Variants in FSIP2 observed in about 807,000 individuals in gnomAD.
FSIP2 encodes the protein fibrous sheath interacting protein 2.
FSIP2 carries 367 observed loss-of-function variants against 510.5 expected under a neutral mutation model. The ratio of observed to expected loss-of-function variants is 0.72; its 90% CI spans 0.66 to 0.78. The LOEUF is 0.78. FSIP2 is among the 30% of genes least tolerant of loss of function. The pLI, the probability that FSIP2 is intolerant of heterozygous loss-of-function variation, is 0.00. For synonymous variants in FSIP2, 2,601 were observed against 2,732.2 expected, an observed-to-expected ratio of 0.95 and a Z score of 1.50; for missense variants, 7,594 against 7,901.7, an observed-to-expected ratio of 0.96 and a Z score of 1.48.
chr2:185,816,803 C>T (rs758270534), intron 19 of FSIP2, among the ~76,000 whole-genome samples: 4 of 150,682 alleles, frequency 2.7e-5, no homozygotes, highest in Non-Finnish European at 4.4e-5. Flanking sequence ...TTACAGTGAG[C>T]TATGATTTTG....
At chr2:185,739,567 C>A in intron 2 of FSIP2, 96 bp downstream of exon 2, 3 of 1,134,500 alleles carry the variant, frequency 2.6e-6, no homozygotes, top group Non-Finnish European at 3.5e-6. Flanking sequence ...AAGGAATTTG[C>A]ATCAACATTT....
intron 2 of FSIP2, among the ~76,000 whole-genome samples, chr2:185,741,014 A>G (rs1222078836): frequency 6.6e-6 from 1 of 152,224 alleles, no homozygotes; most frequent in Non-Finnish European, 1.5e-5. Context: ...AGAGCAAGTG[A>G]ACTACAAATA....
intron 13 of FSIP2, among the ~76,000 whole-genome samples, chr2:185,780,836 T>C (rs1372630564): frequency 1.3e-5 from 2 of 152,214 alleles, no homozygotes; most frequent in Non-Finnish European, 2.9e-5. Flanking sequence ...TTACATACGC[T>C]GCTGCCAGTT....
chr2:185,826,007 A>T (rs563285717), intron 20 of FSIP2, among the ~76,000 whole-genome samples: 3 of 151,952 alleles, frequency 2.0e-5, no homozygotes, highest in African/African-American at 7.2e-5. Context: ...AAGATACACG[A>T]ATACTTACCA....
chr2:185,739,100 C>T (rs1160044699), intron 1 of FSIP2, 107 bp downstream of exon 1: 3 of 1,359,818 alleles, frequency 2.2e-6, no homozygotes, highest in Non-Finnish European at 1.9e-6. Flanking sequence ...AACTGTCCCC[C>T]GTCAGGAGGC....
chr2:185,753,209 T>G (rs368299277), intron 7 of FSIP2, among the ~76,000 whole-genome samples: 4 of 151,406 alleles, frequency 2.6e-5, no homozygotes, highest in African/African-American at 9.7e-5. Context: ...TAGTTTTTTT[T>G]ACATATGCTA....
At chr2:185,787,616 A>C (rs527632836) in intron 15 of FSIP2, among the ~76,000 whole-genome samples, 2 of 151,906 alleles carry the variant, frequency 1.3e-5, no homozygotes, top group South Asian at 4.1e-4. Flanking sequence ...TATATGTAAG[A>C]TGAGTTTTGT....
In FSIP2 at chr2:185,795,001, C is replaced by T. The variant is rs1330293619; in HGVS notation, c.7865C>T (p.Pro2622Leu). ...NISVMENTLLPYLPLQVKKDL... is the reference protein window; with the variant it reads ...NISVMENTLLLYLPLQVKKDL... ...TCTGTGATGGAAAACACTCTTTTGC[C>T]ATATTTACCATTGCAAGTGAAGAAA... Residue 2622 changes from proline to leucine, a missense_variant, in exon 16 of 23, where the codon CCA becomes CTA. Physicochemically the swap from Pro to Leu is moderately conservative, Grantham distance 98. Transcript: ENST00000424728. 6.5e-7 allele frequency: 1 copy of T among 1,533,540 alleles called. No individual in the cohort carries two copies. Among genetic ancestry groups the T allele is most frequent in the South Asian group, 1.2e-5 (1 of 83,748 alleles). 95.0% of individuals were successfully genotyped at this position (1,533,540 alleles called of 1,614,324 possible).
rs1440466926 is a variant in FSIP2 at position 185,802,038 on chromosome 2, C to A, written c.12732C>A (p.Asp4244Glu). 2.6e-6 allele frequency: 4 copies of A among 1,531,466 alleles called. No individual in the cohort carries two copies. Among genetic ancestry groups the A allele is most frequent in the Non-Finnish European group, 3.5e-6 (4 of 1,144,540 alleles). 94.9% of individuals were successfully genotyped at this position (1,531,466 alleles called of 1,614,324 possible). A position where few individuals can be genotyped will look rare whatever the true frequency, so the allele number is the denominator to read the frequency against. ...SIVSRSPIMIDQIASFIIQEI... is the reference protein window; with the variant it reads ...SIVSRSPIMIEQIASFIIQEI... ...TAAGCCGAAGCCCAATTATGATTGA[C>A]CAAATAGCCAGCTTTATCATCCAAG... The change falls in exon 17 of 23, where the codon GAC (aspartate) becomes GAA (glutamate). Residue 4244 changes from aspartate to glutamate, a missense_variant. By Grantham distance (45) the Asp-to-Glu change is conservative. Transcript: ENST00000424728.
intron 15 of FSIP2, among the ~76,000 whole-genome samples, 175 bp downstream of exon 15, chr2:185,786,463 T>A (rs1003945600): frequency 1.3e-5 from 2 of 151,994 alleles, no homozygotes; most frequent in African/African-American, 4.8e-5. Context: ...CTTATACTTT[T>A]CTGTGGTCCA....
chr2:185,769,760 C>T (rs1487186001), intron 13 of FSIP2, among the ~76,000 whole-genome samples: 1 of 152,148 alleles, frequency 6.6e-6, no homozygotes, highest in Non-Finnish European at 1.5e-5. Flanking sequence ...TAGAGTTTTA[C>T]ATTTCAGTCT....
Position 185,807,328 on chromosome 2 carries a change from T to A in FSIP2, c.18022T>A (p.Leu6008Ile), listed in dbSNP as rs540910747. ...AACTTCATCACCATATACAATAATA[T>A]TACCTCATAAATTTTTGGAGAATGT... is the stretch of plus-strand genomic sequence containing the variant. ...CQTSSPYTII[L>I]PHKFLENVIS... The change falls in exon 17 of 23, where the codon TTA (leucine) becomes ATA (isoleucine). Residue 6008 changes from leucine to isoleucine, a missense_variant. Leu to Ile is a conservative substitution (Grantham distance 5). Coordinates refer to ENST00000424728, the MANE Select transcript of FSIP2 (RefSeq NM_173651.4). 2.5e-6 allele frequency: 4 copies of A among 1,612,082 alleles called. No homozygotes were observed. In the Admixed American group the frequency reaches 6.7e-5, roughly 27 times the overall value.
chr2:185,760,734 C>A (rs1230733903), intron 9 of FSIP2, among the ~76,000 whole-genome samples: 7 of 150,360 alleles, frequency 4.7e-5, no homozygotes, highest in Admixed American at 3.3e-4. Flanking sequence ...GCAAACTAAT[C>A]TTGAGTTAGT....
chr2:185,779,649 G>GT (rs1265235127), intron 13 of FSIP2, among the ~76,000 whole-genome samples: 1 of 151,856 alleles, frequency 6.6e-6, no homozygotes, highest in Non-Finnish European at 1.5e-5. Flanking sequence ...CATTTTAAAG[G>GT]TTTTATCAGT....
chr2:185,740,701 G>A (rs368801502), intron 2 of FSIP2, among the ~76,000 whole-genome samples: 7 of 152,100 alleles, frequency 4.6e-5, no homozygotes, highest in African/African-American at 1.2e-4. Context: ...TCAGATTCTC[G>A]TGGGGGTCCT....
chr2:185,802,964 A>C lies in FSIP2; in HGVS notation c.13658A>C (p.Gln4553Pro), dbSNP rs1693474835. ...GATTCAGTATTTGCAAATGTTGTGC[A>C]AACCTCTGGTTCTCAAGAATCAGCT... ...LVDSVFANVV[Q>P]TSGSQESAVQ... Residue 4553 changes from glutamine (Q) to proline (P), a missense_variant, in exon 17 of 23, where the codon CAA becomes CCA. Physicochemically the swap from Gln to Pro is moderately conservative, Grantham distance 76 (BLOSUM62 -1). Transcript: ENST00000424728. 6.5e-7 allele frequency: 1 copy of C among 1,529,456 alleles called. No homozygotes were observed. Among genetic ancestry groups the C allele is most frequent in the South Asian group, 1.2e-5 (1 of 82,928 alleles). The allele number at this position is 1,529,456 out of a possible 1,614,324, so 94.7% of individuals were successfully genotyped here. A position where few individuals can be genotyped will look rare whatever the true frequency, so the allele number is the denominator to read the frequency against.
rs545373150 is a variant in FSIP2, at chr2:185,795,190, G to A, written c.8054G>A (p.Ser2685Asn). Residue 2685 changes from serine (S) to asparagine (N), a missense_variant, in exon 16 of 23, where the codon AGT becomes AAT. By Grantham distance (46) the Ser-to-Asn change is conservative. Coordinates refer to ENST00000424728, the MANE Select transcript of FSIP2 (RefSeq NM_173651.4). ...ACAAAAAAAACACACTTAGGACTGA[G>A]TGCTGCTAAGGCCAAAAGCAAAACC... Reference protein sequence around the residue: ...KFTKKTHLGLSAAKAKSKTKL... With the variant: ...KFTKKTHLGLNAAKAKSKTKL... 2.6e-6 allele frequency: 4 copies of A among 1,534,718 alleles called. No homozygotes were observed. Among genetic ancestry groups the A allele is most frequent in the African/African-American group, 1.4e-5 (1 of 72,880 alleles).
chr2:185,803,848 G>A lies in FSIP2; in HGVS notation c.14542G>A (p.Gly4848Arg), dbSNP rs1693499178. The part of the protein sequence containing the change: ...SKHEICIIKY[G>R]NKKQSMISAK... ...ACATGAAATATGTATTATTAAATATGGGAATAAAAAACAGAGTATGATTTC... is the reference window on the plus strand; with the variant it reads ...ACATGAAATATGTATTATTAAATATAGGAATAAAAAACAGAGTATGATTTC... The change falls in exon 17 of 23, where the codon GGG becomes AGG. Residue 4848 changes from glycine to arginine, a missense_variant. Physicochemically the swap from Gly to Arg is moderately radical, Grantham distance 125. Coordinates refer to ENST00000424728, the MANE Select transcript of FSIP2 (RefSeq NM_173651.4). 1 of 1,508,126 alleles carries A rather than the reference G, an allele frequency of 6.6e-7. No individual in the cohort carries two copies. The highest frequency in any genetic ancestry group is 2.5e-5 in the East Asian group (1 of 40,628). 93.4% of individuals were successfully genotyped at this position (1,508,126 alleles called of 1,614,324 possible).
chr2:185,781,965 A>T (rs1692859283), intron 13 of FSIP2, among the ~76,000 whole-genome samples: 1 of 151,576 alleles, frequency 6.6e-6, no homozygotes, highest in African/African-American at 2.4e-5. Flanking sequence ...AGCATCCCCC[A>T]GCAGCTGGGA....
Sources: allele counts gnomAD v4.1 joint callset (sites outside exome capture counted in the v4.1 genomes callset), GRCh38; gene constraint gnomAD v4.1.1; transcripts MANE v1.5; gene names NCBI Gene and HGNC (gene_info 2026-07-23, HGNC 2026-07-21).